The following PCDH7 variants were observed in gnomAD, a reference collection of about 807,000 sequenced individuals.
PCDH7 encodes the protein protocadherin-7.
A neutral mutation model predicts 58.9 loss-of-function variants in PCDH7; 17 were observed. The ratio of observed to expected loss-of-function variants is 0.29; its 90% CI spans 0.20 to 0.43. The LOEUF (loss-of-function observed/expected upper bound fraction) is 0.43, where lower values mean the gene tolerates loss of function less well. Ranked by LOEUF, PCDH7 falls within the 20% of genes least tolerant of loss-of-function variation. The pLI is 1.00. For synonymous variants in PCDH7, 664 were observed against 616.4 expected, an observed-to-expected ratio of 1.08 and a Z score of -1.14; for missense variants, 1,274 against 1,441.0, an observed-to-expected ratio of 0.88 and a Z score of 1.88.
chr4:30,791,284 C>A (rs1724089264), intron 1 of PCDH7, among the ~76,000 whole-genome samples: 1 of 152,128 alleles, frequency 6.6e-6, no homozygotes, highest in South Asian at 2.1e-4. Context: ...AAACGTGGTT[C>A]ATACATTTAC....
At chr4:31,102,734 A>T (rs13434801) in intron 3 of PCDH7, among the ~76,000 whole-genome samples, 1 of 152,066 alleles carries the variant, frequency 6.6e-6, no homozygotes, top group Non-Finnish European at 1.5e-5. Context: ...ATAGTCAAGT[A>T]TCATGTACAA....
intron 3 of PCDH7, among the ~76,000 whole-genome samples, chr4:31,120,423 TTTTC>T (rs80176630): frequency 0.027 from 3,937 of 143,910 alleles, 138 homozygotes; most frequent in East Asian, 0.19. Flanking sequence ...CTTTCGTTGT[TTTTC>T]TTTCTATTTT....
At chr4:31,091,957 A>G (rs1250234238) in intron 3 of PCDH7, among the ~76,000 whole-genome samples, 1 of 151,974 alleles carries the variant, frequency 6.6e-6, no homozygotes, top group Admixed American at 6.6e-5. Context: ...AATCTGAAGT[A>G]CGATGATTTC....
chr4:30,860,472 C>T (rs1368839483), intron 1 of PCDH7, among the ~76,000 whole-genome samples: 1 of 151,450 alleles, frequency 6.6e-6, no homozygotes, highest in African/African-American at 2.4e-5. Context: ...AATTGGAAAG[C>T]TTTAGGATTT....
chr4:30,723,147 C>T lies in PCDH7; in HGVS notation c.1725C>T (p.Asp575=), dbSNP rs781721079. 5 of 1,613,990 alleles carry T rather than the reference C, an allele frequency of 3.1e-6. No homozygotes were observed. In the East Asian group the frequency reaches 8.9e-5, roughly 29 times the overall value. The stretch of plus-strand genomic sequence containing the variant: ...ACGCCGAGATCGCCTACTCGCTGGA[C>T]TCCTCTGTGATGGGGATCTTTGCCA... Residue 575 remains aspartate, a synonymous_variant, in exon 1 of 2, where the codon GAC becomes GAT. Transcript: ENST00000361762. This position sits in a 1 kb window ranked among gnomAD's most constrained non-coding sequence, Gnocchi z 4.6.
At chr4:30,973,282 T>C (rs1749768513) in intron 3 of PCDH7, among the ~76,000 whole-genome samples, 1 of 152,128 alleles carries the variant, frequency 6.6e-6, no homozygotes, top group South Asian at 2.1e-4. Flanking sequence ...GAGCAGAGAT[T>C]GAGAAATGCT....
intron 1 of PCDH7, among the ~76,000 whole-genome samples, chr4:30,830,969 G>A (rs1360572329): frequency 2.6e-5 from 4 of 151,960 alleles, no homozygotes; most frequent in Admixed American, 1.3e-4. Flanking sequence ...CTCTCTATTT[G>A]ATATAACTCT....
At position 30,784,993 on chromosome 4, in the gene PCDH7, G is replaced by A. The variant is rs181867736; in HGVS notation, c.70+60397G>A. 4.7e-3 allele frequency among the ~76,000 whole-genome samples: 712 copies of A among 152,066 alleles called. 3 individuals are homozygous for A. Among genetic ancestry groups the A allele is most frequent in the African/African-American group, 0.016 (672 of 41,524 alleles). Reference sequence around the variant, plus strand: ...TAATTGGTTATTTCCAAATATGCATGTATTCATTAATCCAATTTTCAGGGC... The same window carrying A: ...TAATTGGTTATTTCCAAATATGCATATATTCATTAATCCAATTTTCAGGGC... On this transcript the variant is annotated intron_variant, in intron 1 of 3. Transcript: ENST00000509759.
At chr4:30,916,442 A>G (rs1264796439) in intron 1 of PCDH7, among the ~76,000 whole-genome samples, 1 of 152,094 alleles carries the variant, frequency 6.6e-6, no homozygotes. Flanking sequence ...CAGGTTTTGG[A>G]ATAATTTTCT....
chr4:30,809,303 C>T (rs954164917), intron 1 of PCDH7, among the ~76,000 whole-genome samples: 6 of 152,140 alleles, frequency 3.9e-5, no homozygotes, highest in Non-Finnish European at 7.3e-5. Context: ...GTGTTGCCCA[C>T]TGTAGGATTA....
chr4:30,981,887 C>T (rs1750602935), intron 3 of PCDH7, among the ~76,000 whole-genome samples: 1 of 152,156 alleles, frequency 6.6e-6, no homozygotes, highest in Non-Finnish European at 1.5e-5. Context: ...ATGCCATTCA[C>T]CATTGTTGGC....
chr4:30,923,779 T>C (rs926271460), intron 2 of PCDH7, among the ~76,000 whole-genome samples: 3 of 152,166 alleles, frequency 2.0e-5, no homozygotes, highest in Admixed American at 6.6e-5. Context: ...TTATCATCAT[T>C]ATGATAATTT....
Position 31,099,848 on chromosome 4 carries a change from G to A in PCDH7, c.*8-42625G>A, listed in dbSNP as rs34969511. On this transcript the variant is annotated intron_variant, in intron 3 of 3. Coordinates refer to the PCDH7 transcript ENST00000509759. ...TTGACGCGTGTCTTCATTAGCCTTC[G>A]TAGGAATGTATTGTGGTTATATTTG... is the stretch of plus-strand genomic sequence containing the variant. 0.043 allele frequency among the ~76,000 whole-genome samples: 6,495 copies of A among 152,142 alleles called. 729 individuals are homozygous for A. In the East Asian group the frequency reaches 0.45, roughly 11 times the overall value.
At chr4:31,103,069 G>C (rs78247241) in intron 3 of PCDH7, among the ~76,000 whole-genome samples, 1 of 151,942 alleles carries the variant, frequency 6.6e-6, no homozygotes, top group Admixed American at 6.6e-5. Context: ...TATAATATTT[G>C]TTATAACCAT....
At chr4:30,796,969 CT>C (rs887794843) in intron 1 of PCDH7, among the ~76,000 whole-genome samples, 29 of 145,702 alleles carry the variant, frequency 2.0e-4, no homozygotes, top group African/African-American at 2.0e-4. Context: ...TTTTCTTTTT[CT>C]TTTTTTTTTA....
At chr4:31,043,162 G>A (rs1167897039) in intron 3 of PCDH7, among the ~76,000 whole-genome samples, 2 of 152,080 alleles carry the variant, frequency 1.3e-5, no homozygotes, top group African/African-American at 4.8e-5. Flanking sequence ...TTACCCTAGG[G>A]ATTAAGTTTC....
intron 2 of PCDH7, among the ~76,000 whole-genome samples, chr4:30,930,291 T>A (rs2109425191): frequency 6.6e-6 from 1 of 152,156 alleles, no homozygotes; most frequent in African/African-American, 2.4e-5. Flanking sequence ...CCCGAGAGGG[T>A]GAGGAAAAAG....
intron 3 of PCDH7, among the ~76,000 whole-genome samples, chr4:31,072,527 A>C (rs1758636985): frequency 6.6e-6 from 1 of 152,122 alleles, no homozygotes; most frequent in Non-Finnish European, 1.5e-5. Context: ...GTGCCAATAA[A>C]AGCTTCTTGG....
chr4:30,764,038 T>G (rs1291625422), intron 1 of PCDH7, among the ~76,000 whole-genome samples: 1 of 152,208 alleles, frequency 6.6e-6, no homozygotes, highest in African/African-American at 2.4e-5. Flanking sequence ...GTACTAAATA[T>G]ACTTACTTTC....
Sources: allele counts gnomAD v4.1 joint callset (sites outside exome capture counted in the v4.1 genomes callset), GRCh38; gene constraint gnomAD v4.1.1; non-coding constraint Gnocchi (gnomAD v3.1); transcripts MANE v1.5; gene names NCBI Gene and HGNC (gene_info 2026-07-23, HGNC 2026-07-21).